The following NWD2 variants were observed in gnomAD, a reference collection of about 807,000 sequenced individuals.
NWD2 encodes NACHT and WD repeat domain-containing protein 2.
Under a neutral mutation model 132.7 loss-of-function variants are expected in NWD2, and 37 were observed. The observed-to-expected ratio is 0.28, with a 90% confidence interval of 0.21 to 0.37. The LOEUF (loss-of-function observed/expected upper bound fraction) is 0.37, where lower values mean the gene tolerates loss of function less well. Ranked by LOEUF, NWD2 falls within the 10% of genes least tolerant of loss-of-function variation. The pLI is 1.00. For missense variants in NWD2, 1,592 were observed against 2,122.4 expected, an observed-to-expected ratio of 0.75 and a Z score of 4.91; for synonymous variants, 705 against 803.0, an observed-to-expected ratio of 0.88 and a Z score of 2.06.
intron 1 of NWD2, among the ~76,000 whole-genome samples, chr4:37,256,672 G>C (rs555691684): frequency 2.0e-4 from 30 of 152,220 alleles, no homozygotes; most frequent in African/African-American, 6.0e-4. Context: ...TCCTTTACGA[G>C]CCCATTTGTT....
At chr4:37,289,982 G>A (rs1047646344) in intron 1 of NWD2, among the ~76,000 whole-genome samples, 6 of 152,012 alleles carry the variant, frequency 3.9e-5, no homozygotes, top group Admixed American at 3.3e-4. Context: ...TTTCACATCC[G>A]TCTAACTTTC....
In NWD2 at chr4:37,443,666, A is replaced by T. The variant is rs1712547213; in HGVS notation, c.1678A>T (p.Ile560Phe). 6.4e-7 allele frequency: 1 copy of T among 1,552,134 alleles called. No individual in the cohort carries two copies. Among genetic ancestry groups the T allele is most frequent in the Non-Finnish European group, 8.7e-7 (1 of 1,147,128 alleles). ...GATCTTGCAGAAACTAAGGTGCCTT[A>T]TCCATGAAGAAGACAACTACATCGA... ...HGILQKLRCL[I>F]HEEDNYIELI... Residue 560 changes from isoleucine (I) to phenylalanine (F), a missense_variant, in exon 7 of 7, where the codon ATC becomes TTC. Coordinates refer to ENST00000309447, the MANE Select transcript of NWD2 (RefSeq NM_001144990.2). The surrounding 1 kb of genome is among the most constrained non-coding windows in gnomAD (Gnocchi z 4.1).
At chr4:37,327,448 C>T (rs936327601) in intron 2 of NWD2, among the ~76,000 whole-genome samples, 5 of 152,098 alleles carry the variant, frequency 3.3e-5, no homozygotes, top group Admixed American at 3.3e-4. Flanking sequence ...TGCACTGAAT[C>T]AGCTGAGGAG....
intron 1 of NWD2, among the ~76,000 whole-genome samples, chr4:37,312,453 T>G (rs1003097450): frequency 9.9e-5 from 15 of 151,258 alleles, no homozygotes; most frequent in Non-Finnish European, 1.6e-4. Flanking sequence ...TGTATAGGAA[T>G]GCTTGTGATT....
intron 1 of NWD2, among the ~76,000 whole-genome samples, chr4:37,257,642 C>T (rs976964072): frequency 6.6e-6 from 1 of 152,022 alleles, no homozygotes; most frequent in African/African-American, 2.4e-5. Context: ...GAATAACTTC[C>T]TTCTTAAAAA....
rs144251845 is a variant in NWD2 at position 37,303,726 on chromosome 4, C to A, written c.152-22210C>A. Among the ~76,000 whole-genome samples the A allele has an allele frequency of 1.9e-3, 288 of 152,072 alleles. 1 individual carries two copies. The highest frequency in any genetic ancestry group is 6.5e-3 in the African/African-American group (271 of 41,490). On this transcript the variant is annotated intron_variant, in intron 1 of 6. Transcript: ENST00000309447. The stretch of plus-strand genomic sequence containing the variant: ...TTACAAATGCGATTGATTTCTTTTT[C>A]AGCTAGTTCGTTTTGGTGTATAGAA...
intron 3 of NWD2, among the ~76,000 whole-genome samples, chr4:37,409,463 AAAAT>A (rs1721111983): frequency 1.3e-5 from 2 of 152,014 alleles, no homozygotes; most frequent in South Asian, 4.2e-4. Context: ...TTATGGAAAA[AAAAT>A]AAAAAGGAAT....
intron 1 of NWD2, among the ~76,000 whole-genome samples, chr4:37,276,347 A>G (rs976908792): frequency 1.1e-4 from 16 of 152,234 alleles, no homozygotes; most frequent in Admixed American, 9.2e-4. Flanking sequence ...AAAAATGCTC[A>G]TCATCACTGG....
intron 1 of NWD2, among the ~76,000 whole-genome samples, chr4:37,315,626 T>G (rs537533845): frequency 3.2e-4 from 49 of 152,128 alleles, no homozygotes; most frequent in Non-Finnish European, 6.9e-4. Context: ...GATATTGTTT[T>G]GTTATCTAGC....
At chr4:37,290,379 A>C (rs1718333586) in intron 1 of NWD2, among the ~76,000 whole-genome samples, 1 of 152,198 alleles carries the variant, frequency 6.6e-6, no homozygotes, top group Non-Finnish European at 1.5e-5. Context: ...GGCCCTGAAC[A>C]AGATAGACAT....
intron 2 of NWD2, among the ~76,000 whole-genome samples, chr4:37,334,910 T>A (rs1396753648): frequency 6.6e-6 from 1 of 152,140 alleles, no homozygotes; most frequent in Non-Finnish European, 1.5e-5. Flanking sequence ...TAAATACTTC[T>A]CCAATCTGTT....
chr4:37,333,205 C>T (rs563407551), intron 2 of NWD2, among the ~76,000 whole-genome samples: 1 of 152,300 alleles, frequency 6.6e-6, no homozygotes, highest in Non-Finnish European at 1.5e-5. Context: ...GCTGGCATCA[C>T]CACCTGCTGA....
At chr4:37,372,644 T>C (rs1057389383) in intron 3 of NWD2, among the ~76,000 whole-genome samples, 1 of 152,224 alleles carries the variant, frequency 6.6e-6, no homozygotes, top group Non-Finnish European at 1.5e-5. Context: ...TTTTCATATA[T>C]ATCAAGGTCA....
At chr4:37,260,283 G>A (rs73807460) in intron 1 of NWD2, among the ~76,000 whole-genome samples, 3,589 of 152,226 alleles carry the variant, frequency 0.024, 153 homozygotes, top group African/African-American at 0.082. Flanking sequence ...GTGACCATGG[G>A]CATTCTCTCT....
At chr4:37,393,204 G>GAA (rs1553897272) in intron 3 of NWD2, among the ~76,000 whole-genome samples, 3 of 151,782 alleles carry the variant, frequency 2.0e-5, no homozygotes, top group Non-Finnish European at 2.9e-5. Flanking sequence ...GTTGGGGGGA[G>GAA]ACTCTGACCT....
intron 1 of NWD2, among the ~76,000 whole-genome samples, chr4:37,268,554 G>A (rs1041199741): frequency 8.6e-5 from 13 of 151,780 alleles, no homozygotes; most frequent in Middle Eastern, 3.4e-3. Context: ...GTTAATATGC[G>A]GTTATCACAG....
intron 1 of NWD2, among the ~76,000 whole-genome samples, chr4:37,298,527 C>T (rs1718545439): frequency 6.6e-6 from 1 of 152,064 alleles, no homozygotes; most frequent in South Asian, 2.1e-4. Context: ...TTAATGTAGG[C>T]ATCTCTACTG....
At position 37,272,667 on chromosome 4, in the gene NWD2, T is replaced by C. The variant is rs547861997; in HGVS notation, c.151+27449T>C. On this transcript the variant is annotated intron_variant, in intron 1 of 6. Coordinates refer to ENST00000309447, the MANE Select transcript of NWD2 (RefSeq NM_001144990.2). Reference sequence around the variant, plus strand: ...TGATTTTTCTCTCCTTTTGTCTTAATCGGTTTTCAAATGATATAAATATTA... The same window carrying C: ...TGATTTTTCTCTCCTTTTGTCTTAACCGGTTTTCAAATGATATAAATATTA... Among the ~76,000 whole-genome samples the C allele has an allele frequency of 4.6e-5, 7 of 151,952 alleles. No individual in the cohort carries two copies. In the East Asian group the frequency reaches 1.4e-3, roughly 29 times the overall value.
intron 1 of NWD2, among the ~76,000 whole-genome samples, chr4:37,313,635 G>T (rs1560392283): frequency 6.6e-6 from 1 of 150,908 alleles, no homozygotes; most frequent in Admixed American, 6.6e-5. Flanking sequence ...TTTTGAAGAT[G>T]CTATTTATCA....
Sources: allele counts gnomAD v4.1 joint callset (sites outside exome capture counted in the v4.1 genomes callset), GRCh38; gene constraint gnomAD v4.1.1; non-coding constraint Gnocchi (gnomAD v3.1); transcripts MANE v1.5; gene names NCBI Gene and HGNC (gene_info 2026-07-23, HGNC 2026-07-21).